The following LRRC19 variants were observed in gnomAD, a reference collection of about 807,000 sequenced individuals.
The protein encoded by LRRC19 is leucine-rich repeat-containing protein 19.
In LRRC19, 33 loss-of-function variants were observed where a neutral mutation model predicts 33.3. That is an observed-to-expected ratio of 0.99 (90% CI 0.75 to 1.33). The LOEUF (loss-of-function observed/expected upper bound fraction) is 1.33, where lower values mean the gene tolerates loss of function less well. Among genes scored for constraint, LRRC19 ranks in the 40% most tolerant of loss-of-function variants. The pLI is 0.00. For missense variants in LRRC19, 463 were observed against 417.3 expected (o/e 1.11, Z -0.95); for synonymous variants, 184 against 152.3 (o/e 1.21, Z -1.53).
rs1425095604 is a variant in LRRC19, at chr9:26,998,172, T to C, written c.151A>G (p.Ile51Val). Reference protein sequence around the residue: ...IPADIKKDVTILDLSYNQITL... With the variant: ...IPADIKKDVTVLDLSYNQITL... ...ATTTGGTTATAACTGAGATCAAGTA[T>C]AGTAACATCTTTCTTGATATCTGCT... The change falls in exon 3 of 5, where the codon ATA becomes GTA. Residue 51 changes from isoleucine to valine, a missense_variant. Transcript: ENST00000380055. The C allele has an allele frequency of 6.3e-7, 1 of 1,578,464 alleles. No individual in the cohort carries two copies. Among genetic ancestry groups the C allele is most frequent in the African/African-American group, 1.4e-5 (1 of 73,806 alleles).
In LRRC19 at chr9:26,997,791, A is replaced by G. The variant is rs1479397770; in HGVS notation, c.532T>C (p.Trp178Arg). The change falls in exon 3 of 5, where the codon TGG (tryptophan) becomes CGG (arginine). Residue 178 changes from tryptophan to arginine, a missense_variant. Physicochemically the swap from Trp to Arg is moderately radical, Grantham distance 101. Coordinates refer to ENST00000380055, the MANE Select transcript of LRRC19 (RefSeq NM_022901.3). ...TTAAATAGACTGCAAGAGCAGTTCC[A>G]TAGGTTTCCATATAAAGTTATTAAT... ...LELITLYGNL[W>R]NCSCSLFNLQ... 2.5e-6 allele frequency: 4 copies of G among 1,613,902 alleles called. No individual in the cohort carries two copies. Among genetic ancestry groups the G allele is most frequent in the East Asian group, 2.2e-5 (1 of 44,868 alleles).
chr9:26,995,882 G>T (rs1375758803), intron 4 of LRRC19, 33 bp from the exon 5 acceptor site: 16 of 1,495,664 alleles, frequency 1.1e-5, no homozygotes, highest in Non-Finnish European at 1.4e-5. Context: ...GAGAGAGAAA[G>T]AAAATTTGTT....
At chr9:27,002,245 C>T (rs1003328028) in intron 1 of LRRC19, among the ~76,000 whole-genome samples, 18 of 152,204 alleles carry the variant, frequency 1.2e-4, no homozygotes, top group Non-Finnish European at 2.2e-4. Context: ...GATTCTCATG[C>T]CTCAGCCTCC....
At chr9:26,999,728 T>C in intron 1 of LRRC19, 25 bp from the exon 2 acceptor site, 1 of 1,450,668 alleles carries the variant, frequency 6.9e-7, no homozygotes, top group Non-Finnish European at 9.4e-7. Context: ...AGTATTTTCA[T>C]TAAGGACATT....
intron 1 of LRRC19, among the ~76,000 whole-genome samples, chr9:27,004,863 G>A (rs1828689496): frequency 6.6e-6 from 1 of 151,884 alleles, no homozygotes; most frequent in Non-Finnish European, 1.5e-5. Flanking sequence ...GAAAAAAAAA[G>A]AGCTTTACTC....
Position 26,995,933 on chromosome 9 carries a change from T to C in LRRC19, c.785-84A>G. The C allele has an allele frequency of 7.8e-6, 7 of 900,482 alleles. 1 individual carries two copies. In the South Asian group the frequency reaches 1.5e-4, roughly 19 times the overall value. The allele number at this position is 900,482 out of a possible 1,614,324, so 55.8% of individuals were successfully genotyped here. Reference sequence around the variant, plus strand: ...TCATAATTATATATCCTAATTCTCCTCAATATTGGTATTAAAAATAAACAT... The same window carrying C: ...TCATAATTATATATCCTAATTCTCCCCAATATTGGTATTAAAAATAAACAT... On this transcript the variant is annotated intron_variant, in intron 4 of 4. Transcript: ENST00000380055.
Position 26,995,390 on chromosome 9 carries a change from A to G in LRRC19, c.*131T>C, listed in dbSNP as rs1828089202. 3.3e-6 allele frequency: 2 copies of G among 610,108 alleles called. No individual in the cohort carries two copies. The highest frequency in any genetic ancestry group is 5.7e-6 in the Non-Finnish European group (2 of 348,548). The allele number at this position is 610,108 out of a possible 1,614,324, so 37.8% of individuals were successfully genotyped here. On this transcript the variant is annotated 3_prime_UTR_variant, in exon 5 of 5. Coordinates refer to ENST00000380055, the MANE Select transcript of LRRC19 (RefSeq NM_022901.3). ...AATATAATGCAAAGAACATAATTTT[A>G]TGATATTCATGTATGTTGTCATTAA...
chr9:26,996,271 A>G (rs1282873719), intron 4 of LRRC19, 40 bp downstream of exon 4: 1 of 1,142,442 alleles, frequency 8.8e-7, no homozygotes, highest in Non-Finnish European at 1.2e-6. Context: ...ATTTAGTATG[A>G]TACATTCAGC....
chr9:27,004,243 T>C (rs1341003614), intron 1 of LRRC19, among the ~76,000 whole-genome samples: 1 of 152,226 alleles, frequency 6.6e-6, no homozygotes, highest in African/African-American at 2.4e-5. Context: ...AATTGTTTTC[T>C]CAAGTGCGCT....
chr9:27,005,352 T>A (rs796536833), intron 1 of LRRC19, among the ~76,000 whole-genome samples: 11 of 18,948 alleles, frequency 5.8e-4, no homozygotes, highest in South Asian at 7.1e-3. Flanking sequence ...TGAAACCATT[T>A]CCCCCCCCGC....
chr9:27,004,198 A>C (rs77786116), intron 1 of LRRC19, among the ~76,000 whole-genome samples: 3,169 of 152,306 alleles, frequency 0.021, 60 homozygotes, highest in Non-Finnish European at 0.032. Flanking sequence ...GTATGGTTTT[A>C]TATTTATTAT....
intron 1 of LRRC19, among the ~76,000 whole-genome samples, chr9:27,000,401 T>C (rs1828416239): frequency 6.6e-6 from 1 of 152,196 alleles, no homozygotes; most frequent in Admixed American, 6.5e-5. Flanking sequence ...TTTTCAATTT[T>C]AGGCATTATC....
chr9:26,997,715 T>G lies in LRRC19; in HGVS notation c.595+13A>C, dbSNP rs1764720572. 1 of 1,574,036 alleles carries G rather than the reference T, an allele frequency of 6.4e-7. No individual in the cohort carries two copies. The highest frequency in any genetic ancestry group is 8.6e-7 in the Non-Finnish European group (1 of 1,165,422). On this transcript the variant is annotated intron_variant, in intron 3 of 4. Transcript: ENST00000380055. Reference sequence around the variant, plus strand: ...TAATCACATTTTGGTTTTGCTTAATTATGATAGCTTACCTAATGTCACATT... The same window carrying G: ...TAATCACATTTTGGTTTTGCTTAATGATGATAGCTTACCTAATGTCACATT...
chr9:26,996,340 C>T lies in LRRC19; in HGVS notation c.755G>A (p.Ser252Asn). ...FQPISNSIFN[S>N]SSNNLTRNSE... ...ATTTCTTGTTAAGTTGTTCGAAGAG[C>T]TATTAAATATTGAATTGCTGATGGG... Residue 252 changes from serine (S) to asparagine (N), a missense_variant, in exon 4 of 5, where the codon AGC becomes AAC. By Grantham distance (46) the Ser-to-Asn change is conservative. Coordinates refer to ENST00000380055, the MANE Select transcript of LRRC19 (RefSeq NM_022901.3). The T allele has an allele frequency of 6.2e-7, 1 of 1,601,522 alleles. No individual in the cohort carries two copies. The highest frequency in any genetic ancestry group is 8.5e-7 in the Non-Finnish European group (1 of 1,172,242).
chr9:27,002,934 AT>A (rs202090668), intron 1 of LRRC19, among the ~76,000 whole-genome samples: 38 of 150,498 alleles, frequency 2.5e-4, no homozygotes, highest in African/African-American at 6.3e-4. Context: ...TTATATTTCC[AT>A]TTTTTTTTGT....
intron 2 of LRRC19, among the ~76,000 whole-genome samples, chr9:26,998,587 T>C (rs1326371602): frequency 6.6e-6 from 1 of 152,214 alleles, no homozygotes; most frequent in Non-Finnish European, 1.5e-5. Context: ...TAACATTTAA[T>C]ATTCCAGTGT....
rs1159694480 is a variant in LRRC19 at position 26,995,841 on chromosome 9, G to T, written c.793C>A (p.Pro265Thr). ...NNLTRNSEHE[P>T]LGKSWAFLVG... ...AGAAAAGCCCAACTTTTTCCAAGAG[G>T]TTCATGTTCTTTAATGGAATACCAA... Residue 265 changes from proline to threonine, a missense_variant, in exon 5 of 5, where the codon CCT (proline) becomes ACT (threonine). By Grantham distance (38) the Pro-to-Thr change is conservative (BLOSUM62 -1). Coordinates refer to ENST00000380055, the MANE Select transcript of LRRC19 (RefSeq NM_022901.3). The T allele has an allele frequency of 6.3e-7, 1 of 1,598,576 alleles. No homozygotes were observed. The highest frequency in any genetic ancestry group is 1.1e-5 in the South Asian group (1 of 88,298).
chr9:26,997,996 G>A lies in LRRC19; in HGVS notation c.327C>T (p.Ile109=), dbSNP rs575248138. The change falls in exon 3 of 5, where the codon ATC becomes ATT. Residue 109 remains isoleucine, a synonymous_variant. Coordinates refer to ENST00000380055, the MANE Select transcript of LRRC19 (RefSeq NM_022901.3). ...LEILNICRNS[I]YVIQQGAFLG... ...AAAATGCACCCTGTTGAATTACATA[G>A]ATGGAGTTTCTACAGATATTTAAAA... The A allele has an allele frequency of 1.9e-6, 3 of 1,613,816 alleles. No homozygotes were observed. The highest frequency in any genetic ancestry group is 1.7e-6 in the Non-Finnish European group (2 of 1,179,948).
At chr9:26,999,521 T>C (rs553052542) in intron 2 of LRRC19, 93 bp downstream of exon 2, 45 of 919,346 alleles carry the variant, frequency 4.9e-5, no homozygotes, top group Non-Finnish European at 6.6e-5. Context: ...GGTCAGATTT[T>C]CTTTGCTTTC....
Sources: allele counts gnomAD v4.1 joint callset (sites outside exome capture counted in the v4.1 genomes callset), GRCh38; gene constraint gnomAD v4.1.1; transcripts MANE v1.5; gene names NCBI Gene and HGNC (gene_info 2026-07-23, HGNC 2026-07-21).